Variants in ENOX1 observed in about 807,000 individuals in gnomAD.
ENOX1 encodes the protein ecto-NOX disulfide-thiol exchanger 1, also known as candidate growth-related and time keeping constitutive hydroquinone (NADH) oxidase.
Under a neutral mutation model 82.5 loss-of-function variants are expected in ENOX1, and 42 were observed. The ratio of observed to expected loss-of-function variants is 0.51; its 90% CI spans 0.40 to 0.66. The LOEUF is 0.66. Among genes scored for constraint, ENOX1 ranks in the 30% least tolerant of loss-of-function variants. The pLI is 0.00. For synonymous variants in ENOX1, 271 were observed against 282.2 expected (o/e 0.96, Z 0.40); for missense variants, 608 against 811.6 (o/e 0.75, Z 3.05).
intron 3 of ENOX1, among the ~76,000 whole-genome samples, chr13:43,427,488 C>T (rs1170445746): frequency 2.0e-5 from 3 of 152,182 alleles, no homozygotes; most frequent in Admixed American, 2.0e-4. Context: ...TGGGGAACTC[C>T]AACTTTCTCC....
intron 12 of ENOX1, among the ~76,000 whole-genome samples, chr13:43,292,866 C>G (rs2046080658): frequency 6.6e-6 from 1 of 152,018 alleles, no homozygotes; most frequent in Admixed American, 6.6e-5. Context: ...CTACCCCAGT[C>G]ACCATCTTCA....
intron 1 of ENOX1, among the ~76,000 whole-genome samples, chr13:43,781,765 C>T (rs1472554781): frequency 3.9e-5 from 6 of 152,178 alleles, no homozygotes; most frequent in Non-Finnish European, 8.8e-5. Flanking sequence ...CCCGCCTCGA[C>T]CTCTCAAAGT....
chr13:43,686,865 T>A (rs1476419703), intron 1 of ENOX1, among the ~76,000 whole-genome samples: 2 of 117,000 alleles, frequency 1.7e-5, no homozygotes, highest in Admixed American at 2.0e-4. Flanking sequence ...CCAAGCAAAC[T>A]CGTGGAAAAC....
chr13:43,483,980 G>A, intron 3 of ENOX1, 29 bp downstream of exon 3: 1 of 984,836 alleles, frequency 1.0e-6, no homozygotes, highest in Non-Finnish European at 1.2e-6. Context: ...AGTATCTTCA[G>A]TAAGAAAAAT....
At chr13:43,750,965 C>A (rs947128663) in intron 1 of ENOX1, among the ~76,000 whole-genome samples, 33 of 152,294 alleles carry the variant, frequency 2.2e-4, no homozygotes, top group Middle Eastern at 3.4e-3. Context: ...AGATTAGACA[C>A]CTTCAGTGGC....
chr13:43,700,847 A>G (rs1008683827), intron 1 of ENOX1, among the ~76,000 whole-genome samples: 11 of 152,170 alleles, frequency 7.2e-5, no homozygotes, highest in African/African-American at 2.4e-4. Flanking sequence ...TCATGATACA[A>G]GACTTTAAGA....
At chr13:43,225,682 T>C (rs2041995818) in intron 15 of ENOX1, among the ~76,000 whole-genome samples, 1 of 152,176 alleles carries the variant, frequency 6.6e-6, no homozygotes, top group Admixed American at 6.5e-5. Flanking sequence ...TCCCTGATGC[T>C]ATGGGATGAG....
intron 3 of ENOX1, among the ~76,000 whole-genome samples, chr13:43,473,354 T>C (rs974110970): frequency 6.6e-6 from 1 of 152,182 alleles, no homozygotes; most frequent in Non-Finnish European, 1.5e-5. Flanking sequence ...CTTTTCTTTT[T>C]TGGGGGGATT....
Position 43,529,075 on chromosome 13 carries a change from G to A in ENOX1, c.-218-44923C>T, listed in dbSNP as rs933687268. Among the ~76,000 whole-genome samples the A allele has an allele frequency of 7.2e-5, 11 of 151,980 alleles. No homozygotes were observed. The East Asian group carries it at 1.9e-3, about 27-fold the overall frequency. ...TGTATTAGGTCATTTAATCCTCATA[G>A]AAACCGTGTTACAGTAGCCCCTCCA... On this transcript the variant is annotated intron_variant, in intron 2 of 16. Coordinates refer to ENST00000690772, the MANE Select transcript of ENOX1 (RefSeq NM_001347969.2).
At chr13:43,540,336 T>C (rs2078652430) in intron 2 of ENOX1, among the ~76,000 whole-genome samples, 1 of 152,136 alleles carries the variant, frequency 6.6e-6, no homozygotes, top group Non-Finnish European at 1.5e-5. Flanking sequence ...GCTTTGAAAA[T>C]CACAATGTCC....
intron 1 of ENOX1, among the ~76,000 whole-genome samples, chr13:43,758,613 A>C (rs563864191): frequency 2.6e-4 from 39 of 152,348 alleles, no homozygotes; most frequent in Non-Finnish European, 4.6e-4. Flanking sequence ...ATTTGGAGAA[A>C]TTAAGTACAA....
At chr13:43,322,283 T>G in intron 11 of ENOX1, 101 bp downstream of exon 11, 1 of 841,332 alleles carries the variant, frequency 1.2e-6, no homozygotes, top group Non-Finnish European at 1.9e-6. Flanking sequence ...TTTAGTATAA[T>G]TCAAATAAAA....
intron 1 of ENOX1, among the ~76,000 whole-genome samples, chr13:43,758,770 C>A (rs951361552): frequency 3.3e-5 from 5 of 152,120 alleles, no homozygotes; most frequent in Non-Finnish European, 5.9e-5. Context: ...GAAAATAGGA[C>A]TTAATGAGGC....
intron 15 of ENOX1, among the ~76,000 whole-genome samples, chr13:43,232,461 T>C (rs1304912833): frequency 1.3e-5 from 2 of 152,228 alleles, no homozygotes; most frequent in Non-Finnish European, 2.9e-5. Flanking sequence ...AGCCTAAATA[T>C]AGCCTCAACT....
intron 1 of ENOX1, among the ~76,000 whole-genome samples, chr13:43,676,737 C>T (rs1200017054): frequency 6.6e-6 from 1 of 152,228 alleles, no homozygotes; most frequent in East Asian, 1.9e-4. Flanking sequence ...ACTGAGAACA[C>T]CCACAGAAAG....
intron 2 of ENOX1, among the ~76,000 whole-genome samples, chr13:43,549,688 A>G (rs1237747239): frequency 1.3e-5 from 2 of 152,212 alleles, no homozygotes; most frequent in East Asian, 3.8e-4. Context: ...ACTCCTCTGT[A>G]TCTTGCAAAT....
intron 1 of ENOX1, among the ~76,000 whole-genome samples, chr13:43,704,662 G>C (rs1042538215): frequency 2.6e-5 from 4 of 152,152 alleles, no homozygotes; most frequent in African/African-American, 9.7e-5. Context: ...GTAGAAATAA[G>C]ACCTGAATCC....
intron 1 of ENOX1, among the ~76,000 whole-genome samples, chr13:43,716,438 C>A (rs1008506412): frequency 6.6e-6 from 1 of 152,068 alleles, no homozygotes; most frequent in African/African-American, 2.4e-5. Flanking sequence ...AGCTGTAGAC[C>A]GGAGATCTTC....
chr13:43,276,327 T>C (rs1313577712), intron 12 of ENOX1, among the ~76,000 whole-genome samples: 1 of 152,190 alleles, frequency 6.6e-6, no homozygotes, highest in Non-Finnish European at 1.5e-5. Flanking sequence ...TGTAACCCTG[T>C]TGCCAACCTG....
Sources: gnomAD v4.1 joint callset for allele counts (sites outside exome capture counted in the v4.1 genomes callset) on GRCh38, gnomAD v4.1.1 for gene constraint, MANE v1.5 for transcripts, NCBI Gene and HGNC (gene_info 2026-07-23, HGNC 2026-07-21) for gene names.